The following BMPR2 variants were observed in gnomAD, a reference collection of about 807,000 sequenced individuals.
BMPR2 encodes the protein bone morphogenetic protein receptor type-2.
In BMPR2, 29 loss-of-function variants were observed where a neutral mutation model predicts 100.8. The ratio of observed to expected loss-of-function variants is 0.29; its 90% CI spans 0.21 to 0.39. BMPR2 has a LOEUF of 0.39. BMPR2 is among the 10% of genes least tolerant of loss of function. The probability of loss-of-function intolerance (pLI) is 1.00; values close to 1 mark genes in which losing one functional copy is unlikely to be tolerated. For missense variants in BMPR2, 1,011 were observed against 1,274.5 expected, an observed-to-expected ratio of 0.79 and a Z score of 3.15; for synonymous variants, 382 against 442.3, an observed-to-expected ratio of 0.86 and a Z score of 1.71.
chr2:202,471,658 A>G (rs145358762), intron 3 of BMPR2, among the ~76,000 whole-genome samples: 112 of 152,316 alleles, frequency 7.4e-4, no homozygotes, highest in African/African-American at 2.2e-3. Context: ...GTCATATAAA[A>G]CAGACTGTGG....
At chr2:202,422,770 G>A (rs1256964130) in intron 1 of BMPR2, among the ~76,000 whole-genome samples, 1 of 152,112 alleles carries the variant, frequency 6.6e-6, no homozygotes, top group Non-Finnish European at 1.5e-5. Context: ...TCTGCCTCGT[G>A]GGTTCAAGCG....
intron 3 of BMPR2, among the ~76,000 whole-genome samples, chr2:202,498,957 C>T (rs1030252027): frequency 7.2e-5 from 11 of 152,148 alleles, no homozygotes; most frequent in Admixed American, 1.3e-4. Flanking sequence ...CTCAGCTTAC[C>T]ACCATATCCT....
At chr2:202,542,794 G>A (rs111352430) in intron 10 of BMPR2, among the ~76,000 whole-genome samples, 5 of 152,086 alleles carry the variant, frequency 3.3e-5, no homozygotes, top group African/African-American at 1.2e-4. Context: ...CTGTTAAGTA[G>A]TGCAGGCTTA....
intron 1 of BMPR2, among the ~76,000 whole-genome samples, chr2:202,379,371 G>T (rs1202677471): frequency 1.3e-5 from 2 of 152,218 alleles, no homozygotes; most frequent in Non-Finnish European, 2.9e-5. Context: ...CACACAGTCA[G>T]TAAATTATGG....
At chr2:202,529,866 C>T (rs1387633657) in intron 7 of BMPR2, among the ~76,000 whole-genome samples, 2 of 152,048 alleles carry the variant, frequency 1.3e-5, no homozygotes, top group Non-Finnish European at 2.9e-5. Flanking sequence ...GTTCTGATTG[C>T]TTTGTTTTTC....
intron 1 of BMPR2, among the ~76,000 whole-genome samples, chr2:202,453,657 GAGA>G (rs1692032862): frequency 6.6e-6 from 1 of 152,208 alleles, no homozygotes; most frequent in African/African-American, 2.4e-5. Context: ...ATCAGAGGCT[GAGA>G]AGAATAGTGG....
At chr2:202,473,975 C>T (rs1692487215) in intron 3 of BMPR2, among the ~76,000 whole-genome samples, 1 of 148,046 alleles carries the variant, frequency 6.8e-6, no homozygotes, top group Non-Finnish European at 1.5e-5. Flanking sequence ...CATGGTGGCA[C>T]ACCCCTGTAG....
chr2:202,418,310 C>A (rs1310803983), intron 1 of BMPR2, among the ~76,000 whole-genome samples: 3 of 152,218 alleles, frequency 2.0e-5, no homozygotes, highest in Non-Finnish European at 4.4e-5. Context: ...CCAAAGTCTG[C>A]AGATTAAAAA....
At chr2:202,381,621 G>A (rs1690295120) in intron 1 of BMPR2, among the ~76,000 whole-genome samples, 1 of 152,170 alleles carries the variant, frequency 6.6e-6, no homozygotes, top group Admixed American at 6.5e-5. Flanking sequence ...TAGTACTATT[G>A]CAGAAGAACG....
chr2:202,463,005 G>T (rs1692252698), intron 1 of BMPR2, among the ~76,000 whole-genome samples: 1 of 152,106 alleles, frequency 6.6e-6, no homozygotes, highest in Admixed American at 6.6e-5. Flanking sequence ...GAGCCACTGT[G>T]CCTGGCCAAC....
intron 1 of BMPR2, among the ~76,000 whole-genome samples, chr2:202,440,131 C>T (rs909076577): frequency 6.6e-6 from 1 of 150,784 alleles, no homozygotes; most frequent in Non-Finnish European, 1.5e-5. Context: ...TCTACACAGA[C>T]ACAGTAACAA....
intron 1 of BMPR2, among the ~76,000 whole-genome samples, chr2:202,444,712 A>C (rs993297880): frequency 6.6e-6 from 1 of 150,792 alleles, no homozygotes; most frequent in Non-Finnish European, 1.5e-5. Flanking sequence ...ACTTAACTCT[A>C]CATTTGGAAG....
Position 202,560,251 on chromosome 2 carries a change from A to T in BMPR2, c.*305A>T, listed in dbSNP as rs1688657289. 3.0e-6 allele frequency: 1 copy of T among 338,886 alleles called. No individual in the cohort carries two copies. The highest frequency in any genetic ancestry group is 5.5e-6 in the Non-Finnish European group (1 of 181,020). 21.0% of individuals were successfully genotyped at this position (338,886 alleles called of 1,614,324 possible). A position where few individuals can be genotyped will look rare whatever the true frequency, so the allele number is the denominator to read the frequency against. On this transcript the variant is annotated 3_prime_UTR_variant, in exon 13 of 13. Transcript: ENST00000374580. ...TGGTCTCAAAATATTTTTTTAAGAA[A>T]AAAAGCAAAAACAATGTATTGCTGA... is the stretch of plus-strand genomic sequence containing the variant.
chr2:202,394,955 G>A (rs1690630385), intron 1 of BMPR2, among the ~76,000 whole-genome samples: 1 of 151,308 alleles, frequency 6.6e-6, no homozygotes, highest in African/African-American at 2.4e-5. Context: ...GCGCAATCTC[G>A]GCTCACTGCA....
intron 1 of BMPR2, among the ~76,000 whole-genome samples, chr2:202,454,314 G>A (rs961590947): frequency 7.9e-5 from 12 of 152,018 alleles, no homozygotes; most frequent in Non-Finnish European, 1.3e-4. Flanking sequence ...CAAGCGATCC[G>A]CCCACCTTGG....
chr2:202,541,878 G>A (rs1049322629), intron 9 of BMPR2, among the ~76,000 whole-genome samples: 2 of 152,108 alleles, frequency 1.3e-5, no homozygotes, highest in Admixed American at 6.5e-5. Flanking sequence ...TTAGGAGGCC[G>A]AGGCTGGTGG....
intron 1 of BMPR2, among the ~76,000 whole-genome samples, chr2:202,435,376 C>CATACATATATATATATATATAT (rs1553500538): frequency 1.9e-5 from 2 of 103,450 alleles, no homozygotes; most frequent in African/African-American, 8.4e-5. Flanking sequence ...AAAAAAAATA[C>CATACATATATATATATATATAT]ATATATATAT....
chr2:202,507,813 C>T (rs1213787920), intron 3 of BMPR2, among the ~76,000 whole-genome samples: 1 of 151,768 alleles, frequency 6.6e-6, no homozygotes, highest in Non-Finnish European at 1.5e-5. Context: ...GATTCTCCTG[C>T]CTCAGCCTCA....
At chr2:202,513,910 G>T (rs994231899) in intron 4 of BMPR2, 81 bp downstream of exon 4, 31 of 1,142,836 alleles carry the variant, frequency 2.7e-5, no homozygotes, top group Admixed American at 3.7e-5. Flanking sequence ...AATTCCGTAT[G>T]TTAAAAAAAA....
Sources: allele counts gnomAD v4.1 joint callset (sites outside exome capture counted in the v4.1 genomes callset), GRCh38; gene constraint gnomAD v4.1.1; transcripts MANE v1.5; gene names NCBI Gene and HGNC (gene_info 2026-07-23, HGNC 2026-07-21).